The following OR56B2 variants were observed in gnomAD, a reference collection of about 807,000 sequenced individuals.
OR56B2 encodes the protein olfactory receptor 56B2.
the OR56B2 span, among the ~76,000 whole-genome samples, chr11:5,764,195 A>T: frequency 2.8e-5 from 4 of 141,394 alleles, no homozygotes; most frequent in African/African-American, 1.0e-4. Flanking sequence ...TTCAAATATT[A>T]ACAAAAGAAT....
the OR56B2 span, chr11:5,761,256 G>A: frequency 6.6e-6 from 1 of 152,154 alleles, no homozygotes; most frequent in Non-Finnish European, 1.5e-5. Context: ...ACATAGCTGG[G>A]GCCAGAGTCA....
the OR56B2 span, among the ~76,000 whole-genome samples, chr11:5,761,457 C>T: frequency 6.6e-6 from 1 of 152,038 alleles, no homozygotes; most frequent in Admixed American, 6.6e-5. Flanking sequence ...ATTTCATAAC[C>T]ACTATGTCTT....
chr11:5,762,249 T>C, the OR56B2 span, among the ~76,000 whole-genome samples: 33 of 152,036 alleles, frequency 2.2e-4, no homozygotes, highest in Non-Finnish European at 3.1e-4. Context: ...CCTTACTTCA[T>C]TGAAGAAAAA....
the OR56B2 span, among the ~76,000 whole-genome samples, chr11:5,763,553 C>A: frequency 4.3e-5 from 6 of 140,192 alleles, no homozygotes; most frequent in African/African-American, 1.6e-4. Flanking sequence ...ACCTCCTGAT[C>A]CGCCTGCCTG....
At chr11:5,766,012 T>A in the OR56B2 span, 4 of 140,720 alleles carry the variant, frequency 2.8e-5, no homozygotes, top group Admixed American at 2.9e-4. Context: ...AACAAGGAAC[T>A]CAGGCAAGGC....
At chr11:5,764,118 GAAGA>G in the OR56B2 span, among the ~76,000 whole-genome samples, 2 of 140,752 alleles carry the variant, frequency 1.4e-5, no homozygotes, top group Non-Finnish European at 3.1e-5. Context: ...TAAAAGGAAA[GAAGA>G]AATAAATAGT....
the OR56B2 span, among the ~76,000 whole-genome samples, chr11:5,763,365 G>A: frequency 2.2e-5 from 2 of 90,278 alleles, no homozygotes; most frequent in African/African-American, 7.7e-5. Flanking sequence ...CCAGGCTGGA[G>A]TGCAGTGGTA....
chr11:5,762,723 C>T, the OR56B2 span, among the ~76,000 whole-genome samples: 1 of 150,926 alleles, frequency 6.6e-6, no homozygotes, highest in Non-Finnish European at 1.5e-5. Flanking sequence ...AACATCTGTA[C>T]ATTTATGTAT....
chr11:5,762,525 T>A, the OR56B2 span, among the ~76,000 whole-genome samples: 6 of 152,086 alleles, frequency 3.9e-5, no homozygotes, highest in Non-Finnish European at 5.9e-5. Flanking sequence ...CGGTAATCTC[T>A]TATTTTTTGC....
At chr11:5,762,959 A>G in the OR56B2 span, among the ~76,000 whole-genome samples, 5 of 152,010 alleles carry the variant, frequency 3.3e-5, no homozygotes, top group Non-Finnish European at 5.9e-5. Context: ...TCATTTCACA[A>G]TTATTATTTT....
At chr11:5,766,938 T>A in the OR56B2 span, 1 of 139,862 alleles carries the variant, frequency 7.1e-6, no homozygotes. Flanking sequence ...ATGTTTACAG[T>A]AGCATTATTA....
chr11:5,764,568 A>G, the OR56B2 span, among the ~76,000 whole-genome samples: 1 of 140,926 alleles, frequency 7.1e-6, no homozygotes, highest in African/African-American at 2.6e-5. Context: ...ATACATTTTA[A>G]TAAAAAGTAA....
chr11:5,764,407 A>C, the OR56B2 span, among the ~76,000 whole-genome samples: 2 of 140,884 alleles, frequency 1.4e-5, 1 homozygote, highest in Non-Finnish European at 3.1e-5. Context: ...AGTAGAAATA[A>C]GTAACACAAA....
chr11:5,768,267 T>C, the OR56B2 span, among the ~76,000 whole-genome samples: 6 of 134,556 alleles, frequency 4.5e-5, 2 homozygotes, highest in African/African-American at 1.7e-4. Context: ...TTTCACACTC[T>C]ATGCCTATGT....
chr11:5,767,493 C>T, the OR56B2 span: 2 of 138,802 alleles, frequency 1.4e-5, no homozygotes, highest in African/African-American at 5.3e-5. Flanking sequence ...ATAAAAAGTA[C>T]CTATATGAGA....
the OR56B2 span, among the ~76,000 whole-genome samples, chr11:5,768,087 G>C: frequency 1.4e-5 from 2 of 138,206 alleles, 1 homozygote; most frequent in African/African-American, 5.3e-5. Flanking sequence ...ACTGCTTTTT[G>C]ATACATGGAT....
the OR56B2 span, chr11:5,765,407 G>A: frequency 7.1e-6 from 1 of 141,396 alleles, no homozygotes; most frequent in Admixed American, 7.3e-5. Flanking sequence ...GTCTCCTGGA[G>A]TGCTTTGCTC....
At chr11:5,766,835 C>T in the OR56B2 span, 1 of 139,708 alleles carries the variant, frequency 7.2e-6, no homozygotes, top group African/African-American at 2.6e-5. Flanking sequence ...TACTAAGAAA[C>T]TTCAGTGCCA....
At chr11:5,761,311 G>A in the OR56B2 span, 1 of 152,092 alleles carries the variant, frequency 6.6e-6, no homozygotes, top group African/African-American at 2.4e-5. Flanking sequence ...ATATAGAAGG[G>A]TAAGCCTCAG....
Sources: allele counts gnomAD v4.1 joint callset (sites outside exome capture counted in the v4.1 genomes callset), GRCh38; gene constraint gnomAD v4.1.1; transcripts MANE v1.5; gene names NCBI Gene and HGNC (gene_info 2026-07-23, HGNC 2026-07-21).